PROS1: variants seen among roughly 807,000 people sequenced by gnomAD.
The protein encoded by PROS1 is vitamin K-dependent protein S.
In PROS1, 29 loss-of-function variants were observed where a neutral mutation model predicts 75.9. The ratio of observed to expected loss-of-function variants is 0.38; its 90% CI spans 0.28 to 0.52. PROS1 has a LOEUF of 0.52. Ranked by LOEUF, PROS1 falls within the 20% of genes least tolerant of loss-of-function variation. The pLI is 0.83. For missense variants in PROS1, 680 were observed against 810.3 expected, an observed-to-expected ratio of 0.84 and a Z score of 1.95; for synonymous variants, 245 against 280.6, an observed-to-expected ratio of 0.87 and a Z score of 1.27.
At position 93,879,146 on chromosome 3, in the gene PROS1, G is replaced by A. The variant is rs1164397634; in HGVS notation, c.1644+17C>T. On this transcript the variant is annotated intron_variant, in intron 13 of 14. Coordinates refer to ENST00000394236, the MANE Select transcript of PROS1 (RefSeq NM_000313.4). ...GAAAAGAAAAACAAGGCTTATATAG[G>A]TTTAGAGTTAAGTTACCTGTGATTT... is the stretch of plus-strand genomic sequence containing the variant. 2 of 1,610,742 alleles carry A rather than the reference G, an allele frequency of 1.2e-6. No homozygotes were observed. Among genetic ancestry groups the A allele is most frequent in the South Asian group, 1.1e-5 (1 of 90,822 alleles).
At chr3:93,972,183 C>G (rs1709891303) in intron 1 of PROS1, among the ~76,000 whole-genome samples, 1 of 152,170 alleles carries the variant, frequency 6.6e-6, no homozygotes, top group Admixed American at 6.5e-5. Flanking sequence ...TGCCTTTCTC[C>G]TCTCCAAAAC....
In PROS1 at chr3:93,874,275, T is replaced by C. The variant is rs6123; in HGVS notation, c.2001A>G (p.Pro667=). The C allele has an allele frequency of 0.4, 653,048 of 1,613,070 alleles. 136,808 individuals carry two copies. Among genetic ancestry groups the C allele is most frequent in the East Asian group, 0.58 (25,883 of 44,788 alleles). ...KHNDIRAHSC[P]SVWKKTKNS ...AATTCTTTGTCTTTTTCCAAACTGA[T>C]GGACATGAGTGAGCTCTAATATCAT... The change falls in exon 15 of 15, where the codon CCA becomes CCG. Residue 667 remains proline, a synonymous_variant. Coordinates refer to ENST00000394236, the MANE Select transcript of PROS1 (RefSeq NM_000313.4).
intron 1 of PROS1, among the ~76,000 whole-genome samples, chr3:93,938,188 A>G (rs1309051931): frequency 3.3e-5 from 5 of 152,120 alleles, no homozygotes; most frequent in Admixed American, 6.5e-5. Context: ...TGATGACATT[A>G]CCTTGTGAAA....
At chr3:93,882,277 TTCCATAGA>T (rs1346505234) in intron 12 of PROS1, among the ~76,000 whole-genome samples, 1 of 152,202 alleles carries the variant, frequency 6.6e-6, no homozygotes, top group East Asian at 1.9e-4. Context: ...TAAAATTTTC[TTCCATAGA>T]ATTAATCACA....
At chr3:93,914,220 T>A (rs569965298) in intron 3 of PROS1, among the ~76,000 whole-genome samples, 253 of 152,310 alleles carry the variant, frequency 1.7e-3, no homozygotes, top group Non-Finnish European at 1.0e-3. Context: ...CCACTAGGCA[T>A]TGCCCTGGTG....
At chr3:93,965,655 T>C (rs1300953272) in intron 1 of PROS1, among the ~76,000 whole-genome samples, 1 of 152,158 alleles carries the variant, frequency 6.6e-6, no homozygotes, top group Non-Finnish European at 1.5e-5. Flanking sequence ...GGGAGCTCTG[T>C]GAGCAAGGAC....
intron 10 of PROS1, among the ~76,000 whole-genome samples, chr3:93,891,862 C>G (rs8178642): frequency 1.3e-5 from 2 of 152,036 alleles, no homozygotes; most frequent in Non-Finnish European, 2.9e-5. Context: ...CAAGACCAGC[C>G]TGGGCAACAT....
At chr3:93,898,624 C>A in intron 7 of PROS1, 55 bp from the exon 8 acceptor site, 1 of 1,589,506 alleles carries the variant, frequency 6.3e-7, no homozygotes, top group Admixed American at 1.7e-5. Context: ...AATGTTCAAT[C>A]TTATAGGCAG....
intron 1 of PROS1, among the ~76,000 whole-genome samples, chr3:93,948,844 A>G (rs1459950201): frequency 6.6e-6 from 1 of 152,040 alleles, no homozygotes; most frequent in African/African-American, 2.4e-5. Flanking sequence ...AATTACTTCT[A>G]TTTCCTTTGA....
chr3:93,884,038 T>C (rs1708311194), intron 12 of PROS1, among the ~76,000 whole-genome samples: 1 of 152,148 alleles, frequency 6.6e-6, no homozygotes, highest in South Asian at 2.1e-4. Context: ...AAGCTCAACT[T>C]TTCACTAGAT....
chr3:93,891,012 A>G (rs1267244973), intron 10 of PROS1, among the ~76,000 whole-genome samples: 1 of 152,088 alleles, frequency 6.6e-6, no homozygotes, highest in African/African-American at 2.4e-5. Context: ...GGCTGAGACA[A>G]GAGAATCACC....
At chr3:93,926,491 G>A (rs942524468) in intron 2 of PROS1, among the ~76,000 whole-genome samples, 2 of 152,128 alleles carry the variant, frequency 1.3e-5, no homozygotes, top group Admixed American at 1.3e-4. Flanking sequence ...AATTAGCCAG[G>A]CATGGTGGCA....
At chr3:93,876,487 GT>G (rs1708189146) in intron 14 of PROS1, among the ~76,000 whole-genome samples, 1 of 148,858 alleles carries the variant, frequency 6.7e-6, no homozygotes, top group African/African-American at 2.5e-5. Context: ...TACTCGGGAG[GT>G]TGAGGCAGGA....
intron 1 of PROS1, among the ~76,000 whole-genome samples, chr3:93,947,326 C>G (rs938261760): frequency 6.6e-6 from 1 of 152,090 alleles, no homozygotes; most frequent in Admixed American, 6.6e-5. Context: ...CTATACAACT[C>G]CATTCAGAAT....
Position 93,973,788 on chromosome 3 carries a change from G to A in PROS1, c.-39C>T, listed in dbSNP as rs2107279407. 6.4e-7 allele frequency: 1 copy of A among 1,564,766 alleles called. No individual in the cohort carries two copies. Among genetic ancestry groups the A allele is most frequent in the Non-Finnish European group, 8.7e-7 (1 of 1,146,668 alleles). ...GAGGCGCCGGCAGGGACGGTGGCGC[G>A]TCGCGGCGGGGACCGGAGCGCTAGG... is the stretch of plus-strand genomic sequence containing the variant. On this transcript the variant is annotated 5_prime_UTR_variant, in exon 1 of 15. It adds an upstream start codon to the 5' untranslated region. Coordinates refer to ENST00000394236, the MANE Select transcript of PROS1 (RefSeq NM_000313.4).
At chr3:93,915,255 T>C (rs1226668145) in intron 3 of PROS1, among the ~76,000 whole-genome samples, 1 of 152,086 alleles carries the variant, frequency 6.6e-6, no homozygotes, top group East Asian at 1.9e-4. Flanking sequence ...TCACTTAAGG[T>C]AAGGAGTTTG....
chr3:93,939,996 C>T (rs1414289605), intron 1 of PROS1, among the ~76,000 whole-genome samples: 1 of 152,256 alleles, frequency 6.6e-6, no homozygotes, highest in Non-Finnish European at 1.5e-5. Flanking sequence ...AGCCACATCT[C>T]CAGCACACAA....
chr3:93,919,482 AT>A (rs1408553376), intron 3 of PROS1, among the ~76,000 whole-genome samples: 2 of 151,820 alleles, frequency 1.3e-5, no homozygotes, highest in East Asian at 1.9e-4. Flanking sequence ...TTGAAAAAAA[AT>A]AAACATTTAT....
In PROS1 at chr3:93,960,532, C is replaced by CTTTTTTTTT. The variant is rs774875701; in HGVS notation, c.76+13133_76+13141dup. Among the ~76,000 whole-genome samples, 26 of 50,118 alleles carry CTTTTTTTTT rather than the reference C, an allele frequency of 5.2e-4. 5 individuals carry two copies. The highest frequency in any genetic ancestry group is 1.9e-3 in the African/African-American group (20 of 10,806). 32.9% of individuals were successfully genotyped at this position (50,118 alleles called of 152,430 possible). On this transcript the variant is annotated intron_variant, in intron 1 of 14. Transcript: ENST00000394236. ...AAACAAGTACACCACCTCCATTGCTCTTTTTTTTTTTTTTTTTTTTTTTTT... is the reference window on the plus strand; with the variant it reads ...AAACAAGTACACCACCTCCATTGCTCTTTTTTTTTTTTTTTTTTTTTTTTTTTTTTTTTT...
Sources: allele counts gnomAD v4.1 joint callset (sites outside exome capture counted in the v4.1 genomes callset), GRCh38; gene constraint gnomAD v4.1.1; transcripts MANE v1.5; gene names NCBI Gene and HGNC (gene_info 2026-07-23, HGNC 2026-07-21).